Variants in ZFP62 observed in about 807,000 individuals in gnomAD.
ZFP62 encodes zinc finger protein 62 homolog.
ZFP62 carries 44 observed loss-of-function variants against 56.4 expected under a neutral mutation model. The observed-to-expected ratio is 0.78, with a 90% CI of 0.61 to 1.00. The LOEUF is 1.00. Ranked by LOEUF, ZFP62 falls within the 50% of genes least tolerant of loss-of-function variation. ZFP62 has a pLI of 0.00. For synonymous variants in ZFP62, 421 were observed against 388.9 expected, an observed-to-expected ratio of 1.08 and a Z score of -0.97; for missense variants, 1,030 against 1,085.7, an observed-to-expected ratio of 0.95 and a Z score of 0.72.
the ZFP62 span, among the ~76,000 whole-genome samples, chr5:180,829,202 T>G: frequency 7.2e-6 from 1 of 139,474 alleles, no homozygotes; most frequent in Middle Eastern, 3.5e-3. Context: ...CCTTTTGCCC[T>G]TTGTCCTGTT....
At chr5:180,838,358 GAA>G in the ZFP62 span, among the ~76,000 whole-genome samples, 144 of 152,278 alleles carry the variant, frequency 9.5e-4, 2 homozygotes, top group Admixed American at 2.1e-3. Flanking sequence ...GGGCAATTTT[GAA>G]AAGTCATGAA....
At chr5:180,839,143 C>T in the ZFP62 span, among the ~76,000 whole-genome samples, 1 of 152,134 alleles carries the variant, frequency 6.6e-6, no homozygotes, top group Non-Finnish European at 1.5e-5. Context: ...TGCAAATGTG[C>T]CAATATCATG....
At position 180,847,756 on chromosome 5, in the gene ZFP62, T is replaced by G. The variant is rs368318058; in HGVS notation, c.*1036A>C. 12 of 985,476 alleles carry G rather than the reference T, an allele frequency of 1.2e-5. No individual in the cohort carries two copies. The East Asian group carries it at 4.5e-4, about 37-fold the overall frequency. The allele number at this position is 985,476 out of a possible 1,614,324, so 61.0% of individuals were successfully genotyped here. ...ACATATACATGTCCTGCATGACATC[T>G]TTACAATAACACATTCCAAAAACAA... On this transcript the variant is annotated 3_prime_UTR_variant, in exon 2 of 2. Coordinates refer to ENST00000502412, the MANE Select transcript of ZFP62 (RefSeq NM_001172638.2).
At position 180,849,787 on chromosome 5, in the gene ZFP62, A is replaced by T; in HGVS notation, c.1708T>A (p.Tyr570Asn). ...TTTATAAGGCTCGAGAGAGAGATGTATGCTTTCCCACATTCTTCACATTTG... is the reference window on the plus strand; with the variant it reads ...TTTATAAGGCTCGAGAGAGAGATGTTTGCTTTCCCACATTCTTCACATTTG... The part of the protein sequence containing the change: ...PYKCEECGKA[Y>N]ISLSSLINHK... Residue 570 changes from tyrosine to asparagine, a missense_variant, in exon 2 of 2, where the codon TAC (tyrosine) becomes AAC (asparagine). Transcript: ENST00000502412. The T allele has an allele frequency of 6.4e-7, 1 of 1,551,924 alleles. No homozygotes were observed. Among genetic ancestry groups the T allele is most frequent in the Non-Finnish European group, 8.7e-7 (1 of 1,147,118 alleles).
At chr5:180,857,008 G>C (rs368963714) in intron 1 of ZFP62, among the ~76,000 whole-genome samples, 4 of 151,158 alleles carry the variant, frequency 2.6e-5, no homozygotes, top group Non-Finnish European at 5.9e-5. Flanking sequence ...GGTGGGAAAG[G>C]GGGGATGGAC....
chr5:180,855,978 C>T (rs976042287), intron 1 of ZFP62, among the ~76,000 whole-genome samples: 3 of 152,238 alleles, frequency 2.0e-5, no homozygotes, highest in African/African-American at 7.2e-5. Context: ...AACTGTCAAC[C>T]CTCACTGCCA....
chr5:180,832,798 C>T, the ZFP62 span: 1 of 152,208 alleles, frequency 6.6e-6, no homozygotes, highest in African/African-American at 2.4e-5. Context: ...TTCTCAGCCA[C>T]CCAGACTTCC....
the ZFP62 span, chr5:180,831,558 G>C: frequency 1.3e-5 from 2 of 152,430 alleles, no homozygotes; most frequent in South Asian, 4.1e-4. Context: ...AATTAGAACC[G>C]GCCTATGCGC....
chr5:180,857,797 CTT>C lies in ZFP62; in HGVS notation c.1+3420_1+3421del, dbSNP rs5873717. The stretch of plus-strand genomic sequence containing the variant: ...CAGGCGTGAACCACCGCACCCAGAC[CTT>C]TTTTTTTTTTTTTTAAATTCAGACT... On this transcript the variant is annotated intron_variant, in intron 1 of 1. Transcript: ENST00000502412. 4.6e-3 allele frequency among the ~76,000 whole-genome samples: 654 copies of C among 143,692 alleles called. 1 individual carries two copies. Among genetic ancestry groups the C allele is most frequent in the East Asian group, 0.017 (85 of 4,968 alleles). 94.3% of individuals were successfully genotyped at this position (143,692 alleles called of 152,430 possible).
chr5:180,856,561 G>A (rs143094799), intron 1 of ZFP62, among the ~76,000 whole-genome samples: 13 of 152,236 alleles, frequency 8.5e-5, no homozygotes, highest in East Asian at 5.8e-4. Context: ...TCCAGGCCCC[G>A]GGCTATTCCT....
chr5:180,850,897 C>G lies in ZFP62; in HGVS notation c.598G>C (p.Glu200Gln), dbSNP rs147657289. The change falls in exon 2 of 2, where the codon GAG (glutamate) becomes CAG (glutamine). Residue 200 changes from glutamate to glutamine, a missense_variant. Glu to Gln is a conservative substitution (Grantham distance 29, BLOSUM62 2). Transcript: ENST00000502412. ...IHTGEKPYKC[E>Q]ECGKAYMSYS... ...GACATGTAGGCTTTCCCACATTCCT[C>G]ACACTTGTACGGCTTCTCCCCAGTG... 1.0e-4 allele frequency: 162 copies of G among 1,565,738 alleles called. 3 individuals carry two copies. The East Asian group carries it at 3.9e-3, about 37-fold the overall frequency.
chr5:180,849,006 T>A lies in ZFP62; in HGVS notation c.2489A>T (p.His830Leu). 6.4e-7 allele frequency: 1 copy of A among 1,551,820 alleles called. No homozygotes were observed. The highest frequency in any genetic ancestry group is 8.7e-7 in the Non-Finnish European group (1 of 1,147,006). ...SFNYRSVLDQ[H>L]KRIHTGKKPY... Reference sequence around the variant, plus strand: ...CTTCTTTCCAGTGTGGATCCTTTTGTGCTGGTCAAGGACTGATCTATAATT... The same window carrying A: ...CTTCTTTCCAGTGTGGATCCTTTTGAGCTGGTCAAGGACTGATCTATAATT... Residue 830 changes from histidine (H) to leucine (L), a missense_variant, in exon 2 of 2, where the codon CAC (histidine) becomes CTC (leucine). Transcript: ENST00000502412.
chr5:180,849,473 T>C lies in ZFP62; in HGVS notation c.2022A>G (p.Glu674=). Residue 674 remains glutamate (E), a synonymous_variant, in exon 2 of 2, where the codon GAA becomes GAG. Coordinates refer to ENST00000502412, the MANE Select transcript of ZFP62 (RefSeq NM_001172638.2). ...TGTAGGCTTTTCCACACACATCACA[T>C]TCATAGGGCCTCTCCCCAGTATGGA... The part of the protein sequence containing the change: ...KRIHTGERPY[E]CDVCGKAYIS... 1 of 1,552,024 alleles carries C rather than the reference T, an allele frequency of 6.4e-7. No homozygotes were observed. The highest frequency in any genetic ancestry group is 8.7e-7 in the Non-Finnish European group (1 of 1,147,114).
At chr5:180,841,296 T>C in the ZFP62 span, among the ~76,000 whole-genome samples, 1 of 126,382 alleles carries the variant, frequency 7.9e-6, no homozygotes, top group African/African-American at 3.0e-5. Context: ...TATATATACA[T>C]ACACATATAT....
At chr5:180,837,575 G>C in the ZFP62 span, among the ~76,000 whole-genome samples, 3 of 152,160 alleles carry the variant, frequency 2.0e-5, no homozygotes, top group Admixed American at 1.3e-4. Flanking sequence ...TTTTAGCAGA[G>C]ATTAACTCAG....
At position 180,850,962 on chromosome 5, in the gene ZFP62, A is replaced by C; in HGVS notation, c.533T>G (p.Phe178Cys). The stretch of plus-strand genomic sequence containing the variant: ...GACCCGAAGGCTCGAGCTGCTCCGG[A>C]AAGTCCCTCCACAGTCATCACATTC... ...RYECDDCGGT[F>C]RSSSSLRVHK... The change falls in exon 2 of 2, where the codon TTC becomes TGC. Residue 178 changes from phenylalanine to cysteine, a missense_variant. Coordinates refer to ENST00000502412, the MANE Select transcript of ZFP62 (RefSeq NM_001172638.2). The C allele has an allele frequency of 7.1e-6, 11 of 1,554,012 alleles. No individual in the cohort carries two copies. Among genetic ancestry groups the C allele is most frequent in the Non-Finnish European group, 8.7e-6 (10 of 1,148,566 alleles).
the ZFP62 span, among the ~76,000 whole-genome samples, chr5:180,838,877 C>T: frequency 6.6e-6 from 1 of 152,046 alleles, no homozygotes; most frequent in Non-Finnish European, 1.5e-5. Context: ...CAGTATGTAG[C>T]AAAAATTTAA....
chr5:180,829,589 C>T, the ZFP62 span, among the ~76,000 whole-genome samples: 30 of 152,302 alleles, frequency 2.0e-4, no homozygotes, highest in African/African-American at 4.1e-4. Context: ...TGGGTTCCCC[C>T]GATATCTGGC....
In ZFP62 at chr5:180,850,042, C is replaced by T. The variant is rs759241619; in HGVS notation, c.1453G>A (p.Ala485Thr). The change falls in exon 2 of 2, where the codon GCC becomes ACC. Residue 485 changes from alanine to threonine, a missense_variant. Ala to Thr is a moderately conservative substitution (Grantham distance 58). Transcript: ENST00000502412. The stretch of plus-strand genomic sequence containing the variant: ...TTAAGGCTAGAGCGTGAGATATAGG[C>T]TTTCCCACACACATCACACTTATAT... ...KPYKCDVCGK[A>T]YISRSSLKNH... is the part of the protein sequence containing the mutation. 4 of 1,551,810 alleles carry T rather than the reference C, an allele frequency of 2.6e-6. No individual in the cohort carries two copies. Among genetic ancestry groups the T allele is most frequent in the Non-Finnish European group, 3.5e-6 (4 of 1,147,078 alleles).
Sources: allele counts gnomAD v4.1 joint callset (sites outside exome capture counted in the v4.1 genomes callset), GRCh38; gene constraint gnomAD v4.1.1; transcripts MANE v1.5; gene names NCBI Gene and HGNC (gene_info 2026-07-23, HGNC 2026-07-21).